AGXT2: variants seen among roughly 807,000 people sequenced by gnomAD.
AGXT2 encodes the protein alanine--glyoxylate aminotransferase 2, also known as alanine--glyoxylate aminotransferase 2, mitochondrial.
AGXT2 carries 61 observed loss-of-function variants against 62.5 expected under a neutral mutation model. The observed-to-expected ratio is 0.98, with a 90% CI of 0.79 to 1.21. The LOEUF is 1.21. Among genes scored for constraint, AGXT2 ranks in the 50% most tolerant of loss-of-function variants. AGXT2 has a pLI of 0.00. For missense variants in AGXT2, 666 were observed against 641.5 expected (o/e 1.04, Z -0.41); for synonymous variants, 243 against 218.7 (o/e 1.11, Z -0.98).
At chr5:35,033,217 GT>G in intron 6 of AGXT2, 1 of 519,230 alleles carries the variant, frequency 1.9e-6, no homozygotes, top group Non-Finnish European at 3.5e-6. Context: ...GAGCCTTGCA[GT>G]TTACTTGATT....
At chr5:35,025,558 A>G (rs1767302116) in intron 9 of AGXT2, among the ~76,000 whole-genome samples, 1 of 152,224 alleles carries the variant, frequency 6.6e-6, no homozygotes, top group African/African-American at 2.4e-5. Context: ...TGGAGATTTA[A>G]GTTCTGTTAT....
At chr5:35,036,826 C>T (rs1043298103) in intron 4 of AGXT2, 116 bp downstream of exon 4, 15 of 1,506,898 alleles carry the variant, frequency 1.0e-5, no homozygotes, top group African/African-American at 1.4e-5. Context: ...TGCCCATGTC[C>T]CTGCTTCCTA....
Position 35,001,208 on chromosome 5 carries a change from G to A in AGXT2, c.1438-2382C>T, listed in dbSNP as rs1766216497. On this transcript the variant is annotated intron_variant, in intron 13 of 13. Transcript: ENST00000231420. ...GAAGCATCTGTAGATAGAGTGAGAT[G>A]TTTATGAACACCTTGAATGGAGCAT... Among the ~76,000 whole-genome samples the A allele has an allele frequency of 2.6e-5, 4 of 152,220 alleles. No individual in the cohort carries two copies. The South Asian group carries it at 8.3e-4, about 32-fold the overall frequency.
intron 3 of AGXT2, 59 bp from the exon 4 acceptor site, chr5:35,037,124 C>CA: frequency 6.2e-7 from 1 of 1,611,108 alleles, no homozygotes; most frequent in Non-Finnish European, 8.5e-7. Context: ...CCTGCACACA[C>CA]CCTGGTCATT....
At chr5:35,002,955 A>T (rs1019106365) in intron 13 of AGXT2, among the ~76,000 whole-genome samples, 5 of 152,204 alleles carry the variant, frequency 3.3e-5, no homozygotes, top group African/African-American at 9.6e-5. Context: ...AGGATGAGGA[A>T]TGTTTAAAAT....
intron 9 of AGXT2, among the ~76,000 whole-genome samples, chr5:35,023,168 AAAAAAAAAG>A (rs1351295931): frequency 3.3e-5 from 2 of 60,228 alleles, no homozygotes; most frequent in Non-Finnish European, 9.8e-5. Context: ...GCAGATGTAA[AAAAAAAAAG>A]AAAAAAGAAA....
intron 13 of AGXT2, among the ~76,000 whole-genome samples, chr5:35,002,355 G>C (rs1250947693): frequency 6.6e-6 from 1 of 152,216 alleles, no homozygotes; most frequent in Admixed American, 6.5e-5. Flanking sequence ...GGGTTTCCTT[G>C]AGTGAAGGTG....
intron 12 of AGXT2, 43 bp downstream of exon 12, chr5:35,009,957 C>A (rs1766564292): frequency 6.2e-7 from 1 of 1,613,180 alleles, no homozygotes; most frequent in African/African-American, 1.3e-5. Context: ...ATATCTCCTG[C>A]TGGCTCCAAG....
intron 12 of AGXT2, among the ~76,000 whole-genome samples, chr5:35,009,248 C>T (rs1159303505): frequency 1.3e-5 from 2 of 151,264 alleles, no homozygotes; most frequent in African/African-American, 4.9e-5. Context: ...CAACATTCCT[C>T]CCTGGTTACT....
At chr5:35,012,857 T>G in intron 11 of AGXT2, 97 bp downstream of exon 11, 1 of 1,118,620 alleles carries the variant, frequency 8.9e-7, no homozygotes, top group South Asian at 1.3e-5. Flanking sequence ...ACTCTCCCCT[T>G]TAACAACTCA....
At chr5:35,044,686 C>T (rs201991946) in intron 1 of AGXT2, among the ~76,000 whole-genome samples, 1 of 152,176 alleles carries the variant, frequency 6.6e-6, no homozygotes, top group South Asian at 2.1e-4. Context: ...CCAGTATATG[C>T]CCTTTTGCTG....
intron 12 of AGXT2, among the ~76,000 whole-genome samples, chr5:35,006,056 T>C (rs1423768535): frequency 6.6e-6 from 1 of 152,156 alleles, no homozygotes; most frequent in East Asian, 1.9e-4. Flanking sequence ...CGTTTGGCAA[T>C]TTCCTTTTAA....
At chr5:35,024,648 G>A (rs56362812) in intron 9 of AGXT2, among the ~76,000 whole-genome samples, 27,411 of 152,146 alleles carry the variant, frequency 0.18, 2,947 homozygotes, top group East Asian at 0.42. Context: ...CTCTAATTTA[G>A]AGGCTGGATT....
rs545888737 is a variant in AGXT2 at position 35,030,145 on chromosome 5, GTCTT to G, written c.769+2583_769+2586del. Among the ~76,000 whole-genome samples the G allele has an allele frequency of 7.7e-4, 117 of 152,328 alleles. 2 individuals are homozygous for G. The South Asian group carries it at 0.011, about 14-fold the overall frequency. On this transcript the variant is annotated intron_variant, in intron 7 of 13. Transcript: ENST00000231420. The stretch of plus-strand genomic sequence containing the variant: ...CCTAAAGGCAGTGAAGGAGACTGGG[GTCTT>G]TCTTTTGTATTCCAATCCTGTTCAA...
At chr5:35,014,852 C>A (rs1766792947) in intron 9 of AGXT2, among the ~76,000 whole-genome samples, 2 of 152,162 alleles carry the variant, frequency 1.3e-5, no homozygotes. Flanking sequence ...GAGGGAGTTA[C>A]TGTCAGTCAA....
At chr5:35,014,452 CAAAAAAAAAAAA>C (rs61052930) in intron 9 of AGXT2, among the ~76,000 whole-genome samples, 1 of 86,258 alleles carries the variant, frequency 1.2e-5, no homozygotes, top group Non-Finnish European at 2.1e-5. Context: ...GACTCCATCT[CAAAAAAAAAAAA>C]AAAAAAAAGA....
At chr5:35,023,867 ATTTATT>A (rs1432819499) in intron 9 of AGXT2, among the ~76,000 whole-genome samples, 1 of 14,194 alleles carries the variant, frequency 7.0e-5, no homozygotes, top group Non-Finnish European at 3.2e-4. Flanking sequence ...GGGAATATTT[ATTTATT>A]TATTTATTTA....
intron 12 of AGXT2, 100 bp downstream of exon 12, chr5:35,009,900 C>T: frequency 6.6e-7 from 1 of 1,521,982 alleles, no homozygotes; most frequent in Non-Finnish European, 9.1e-7. Context: ...CTGTTTGTGT[C>T]TGCTCTCTCC....
At chr5:35,013,905 T>C (rs1766742786) in intron 10 of AGXT2, 82 bp downstream of exon 10, 2 of 1,589,940 alleles carry the variant, frequency 1.3e-6, no homozygotes, top group Admixed American at 1.7e-5. Flanking sequence ...GTCTCCAATC[T>C]ACACAAGTTC....
Sources: gnomAD v4.1 joint callset for allele counts (sites outside exome capture counted in the v4.1 genomes callset) on GRCh38, gnomAD v4.1.1 for gene constraint, MANE v1.5 for transcripts, NCBI Gene and HGNC (gene_info 2026-07-23, HGNC 2026-07-21) for gene names.